The following MMP16 variants were observed in gnomAD, a reference collection of about 807,000 sequenced individuals.
MMP16 encodes the protein matrix metalloproteinase-16.
Under a neutral mutation model 67.8 loss-of-function variants are expected in MMP16, and 12 were observed. The ratio of observed to expected loss-of-function variants is 0.18; its 90% confidence interval spans 0.11 to 0.29. The LOEUF (loss-of-function observed/expected upper bound fraction) is 0.29, where lower values mean the gene tolerates loss of function less well. MMP16 is among the 10% of genes least tolerant of loss of function. The pLI is 1.00. For missense variants in MMP16, 475 were observed against 765.7 expected, an observed-to-expected ratio of 0.62 and a Z score of 4.48; for synonymous variants, 249 against 255.9, an observed-to-expected ratio of 0.97 and a Z score of 0.26.
intron 1 of MMP16, among the ~76,000 whole-genome samples, chr8:88,294,489 TAC>T (rs1466968148): frequency 6.7e-6 from 1 of 150,328 alleles, no homozygotes; most frequent in East Asian, 2.0e-4. Flanking sequence ...TATGTCTCTA[TAC>T]ACACATATGT....
intron 1 of MMP16, among the ~76,000 whole-genome samples, chr8:88,303,891 G>C (rs1262711152): frequency 6.6e-6 from 1 of 152,162 alleles, no homozygotes; most frequent in East Asian, 1.9e-4. Flanking sequence ...AAAAAGCCCA[G>C]AGTGCTTCTC....
Position 88,118,694 on chromosome 8 carries a change from A to C in MMP16, c.871+6T>G, listed in dbSNP as rs1809479484. On this transcript the variant is annotated splice_donor_region_variant and intron_variant, in intron 5 of 9. Transcript: ENST00000286614. ...GATTAAGCAAATTGAAACAGTAGTAACCTACCATATATCTTCTGGATGCCC... is the reference window on the plus strand; with the variant it reads ...GATTAAGCAAATTGAAACAGTAGTACCCTACCATATATCTTCTGGATGCCC... The C allele has an allele frequency of 3.7e-6, 6 of 1,611,940 alleles. No individual in the cohort carries two copies. The highest frequency in any genetic ancestry group is 5.1e-6 in the Non-Finnish European group (6 of 1,178,700).
At chr8:88,134,140 T>C (rs1294041826) in intron 4 of MMP16, among the ~76,000 whole-genome samples, 1 of 151,784 alleles carries the variant, frequency 6.6e-6, no homozygotes, top group Non-Finnish European at 1.5e-5. Flanking sequence ...TTATAACATA[T>C]GCTTCTTAGC....
chr8:88,153,366 T>G (rs1203972271), intron 4 of MMP16, among the ~76,000 whole-genome samples: 1 of 152,072 alleles, frequency 6.6e-6, no homozygotes, highest in Non-Finnish European at 1.5e-5. Context: ...AAAAAACTAC[T>G]TTAAAGTTCA....
At chr8:88,123,198 T>C (rs1295432563) in intron 4 of MMP16, among the ~76,000 whole-genome samples, 1 of 151,982 alleles carries the variant, frequency 6.6e-6, no homozygotes, top group Non-Finnish European at 1.5e-5. Flanking sequence ...TAAGAGGTGA[T>C]TCTAAGAAAA....
intron 1 of MMP16, among the ~76,000 whole-genome samples, chr8:88,238,566 T>C (rs1202719099): frequency 6.7e-6 from 1 of 149,972 alleles, no homozygotes; most frequent in Admixed American, 6.8e-5. Context: ...CTCAGGAGTC[T>C]GAGGCAGGAG....
Position 88,160,452 on chromosome 8 carries a change from C to T in MMP16, c.709+7217G>A, listed in dbSNP as rs77828588. On this transcript the variant is annotated intron_variant, in intron 4 of 9. Coordinates refer to ENST00000286614, the MANE Select transcript of MMP16 (RefSeq NM_005941.5). ...AATTTACAAGAAAAAAACAAACAAC[C>T]CCATCAAAAAGTGGGCAAAGGACAT... Among the ~76,000 whole-genome samples, 281 of 151,922 alleles carry T rather than the reference C, an allele frequency of 1.8e-3. 9 individuals are homozygous for T. The East Asian group carries it at 0.046, about 25-fold the overall frequency.
intron 1 of MMP16, among the ~76,000 whole-genome samples, chr8:88,321,350 G>C (rs931060561): frequency 6.6e-5 from 10 of 152,046 alleles, no homozygotes; most frequent in African/African-American, 1.7e-4. Flanking sequence ...TAAAACTTAA[G>C]ATTTTGAACT....
chr8:88,080,101 C>A (rs1484091968), intron 6 of MMP16, among the ~76,000 whole-genome samples: 1 of 152,178 alleles, frequency 6.6e-6, no homozygotes, highest in Non-Finnish European at 1.5e-5. Context: ...ACCTACTCCA[C>A]TGTATGATAT....
intron 3 of MMP16, among the ~76,000 whole-genome samples, chr8:88,173,490 T>A (rs1014837854): frequency 6.6e-6 from 1 of 152,190 alleles, no homozygotes; most frequent in Admixed American, 6.5e-5. Flanking sequence ...TAAACAGGGC[T>A]AAATCTCCTT....
At chr8:88,202,338 A>G (rs182701359) in intron 1 of MMP16, among the ~76,000 whole-genome samples, 9 of 152,316 alleles carry the variant, frequency 5.9e-5, no homozygotes, top group Admixed American at 5.9e-4. Context: ...CCTTAACAGG[A>G]AACTCATTTA....
chr8:88,161,948 A>G (rs1344333285), intron 4 of MMP16, among the ~76,000 whole-genome samples: 4 of 151,940 alleles, frequency 2.6e-5, no homozygotes, highest in Admixed American at 1.3e-4. Flanking sequence ...GTTCTTTTAC[A>G]TTTGCTGATG....
intron 1 of MMP16, among the ~76,000 whole-genome samples, chr8:88,220,953 T>C (rs1012552788): frequency 6.6e-6 from 1 of 152,134 alleles, no homozygotes; most frequent in African/African-American, 2.4e-5. Flanking sequence ...CTAAAACTCA[T>C]GGAAGGACCA....
chr8:88,175,982 A>G (rs1470094077), intron 3 of MMP16, among the ~76,000 whole-genome samples: 2 of 152,200 alleles, frequency 1.3e-5, no homozygotes, highest in African/African-American at 4.8e-5. Context: ...AGCCATGTGG[A>G]ACTGTGAGTC....
intron 8 of MMP16, among the ~76,000 whole-genome samples, chr8:88,047,605 G>A (rs1808214762): frequency 6.6e-6 from 1 of 152,162 alleles, no homozygotes; most frequent in Non-Finnish European, 1.5e-5. Flanking sequence ...TCCTGTGGCA[G>A]GCACATGCTG....
chr8:88,305,777 C>G (rs1811202213), intron 1 of MMP16, among the ~76,000 whole-genome samples: 1 of 152,242 alleles, frequency 6.6e-6, no homozygotes, highest in Non-Finnish European at 1.5e-5. Context: ...CTCTGGGACA[C>G]AGCTAAAGCA....
chr8:88,311,129 G>C (rs949714210), intron 1 of MMP16, among the ~76,000 whole-genome samples: 1 of 152,114 alleles, frequency 6.6e-6, no homozygotes, highest in African/African-American at 2.4e-5. Context: ...TGGTGGGGGT[G>C]AAGATGGAGA....
At chr8:88,177,880 C>A (rs1586190866) in intron 3 of MMP16, among the ~76,000 whole-genome samples, 1 of 151,708 alleles carries the variant, frequency 6.6e-6, no homozygotes, top group Admixed American at 6.6e-5. Context: ...TACAGCAAAC[C>A]AACAGGGCTC....
intron 7 of MMP16, among the ~76,000 whole-genome samples, chr8:88,056,859 G>A (rs796736377): frequency 1.4e-4 from 22 of 152,250 alleles, no homozygotes; most frequent in African/African-American, 5.3e-4. Flanking sequence ...TAACTGAGGG[G>A]AGGAAAATTT....
Sources: allele counts gnomAD v4.1 joint callset (sites outside exome capture counted in the v4.1 genomes callset), GRCh38; gene constraint gnomAD v4.1.1; transcripts MANE v1.5; gene names NCBI Gene and HGNC (gene_info 2026-07-23, HGNC 2026-07-21).